Variants in DOCK10 observed in about 807,000 individuals in gnomAD.
The protein encoded by DOCK10 is dedicator of cytokinesis protein 10.
A neutral mutation model predicts 280.1 loss-of-function variants in DOCK10; 145 were observed. The ratio of observed to expected loss-of-function variants is 0.52; its 90% CI spans 0.45 to 0.59. DOCK10 has a LOEUF of 0.59. Among genes scored for constraint, DOCK10 ranks in the 20% least tolerant of loss-of-function variants. DOCK10 has a pLI of 0.00. For missense variants in DOCK10, 2,368 were observed against 2,651.7 expected (o/e 0.89, Z 2.35); for synonymous variants, 915 against 942.2 (o/e 0.97, Z 0.53).
intron 25 of DOCK10, among the ~76,000 whole-genome samples, chr2:224,835,751 G>A (rs2125426407): frequency 6.6e-6 from 1 of 152,290 alleles, no homozygotes; most frequent in Admixed American, 6.5e-5. Flanking sequence ...AATGCGAGTT[G>A]ATTACATTTA....
At chr2:225,000,820 A>T (rs567001666) in intron 1 of DOCK10, among the ~76,000 whole-genome samples, 44 of 152,330 alleles carry the variant, frequency 2.9e-4, no homozygotes, top group African/African-American at 1.1e-3. Flanking sequence ...TACTAAAAAT[A>T]CAAAAATTAG....
At chr2:224,836,486 T>C (rs1695601137) in intron 25 of DOCK10, among the ~76,000 whole-genome samples, 1 of 152,174 alleles carries the variant, frequency 6.6e-6, no homozygotes, top group Admixed American at 6.5e-5. Flanking sequence ...TTCTGGCAGA[T>C]AGAAAACATA....
At position 224,844,854 on chromosome 2, in the gene DOCK10, T is replaced by C; in HGVS notation, c.2482-15A>G. On this transcript the variant is annotated splice_polypyrimidine_tract_variant and intron_variant, in intron 21 of 55. Coordinates refer to ENST00000258390, the MANE Select transcript of DOCK10 (RefSeq NM_014689.3). ...CTCCCACCATGCTGCAAAATAAAGT[T>C]TGTTTACTGTCACTGGGACAATTCG... The C allele has an allele frequency of 2.5e-6, 4 of 1,568,668 alleles. No individual in the cohort carries two copies. Among genetic ancestry groups the C allele is most frequent in the Non-Finnish European group, 2.6e-6 (3 of 1,144,222 alleles).
chr2:224,986,911 C>T (rs1003058473), intron 1 of DOCK10, among the ~76,000 whole-genome samples: 3 of 152,158 alleles, frequency 2.0e-5, no homozygotes, highest in East Asian at 1.9e-4. Flanking sequence ...ATCACCTCCT[C>T]GGAGAAAGGC....
At chr2:224,888,653 ATG>A (rs1272562085) in intron 4 of DOCK10, among the ~76,000 whole-genome samples, 6 of 151,892 alleles carry the variant, frequency 4.0e-5, no homozygotes, top group East Asian at 3.9e-4. Flanking sequence ...ATGTGAATAT[ATG>A]TGTGTGCATG....
At chr2:224,835,396 A>C (rs1695528112) in intron 25 of DOCK10, among the ~76,000 whole-genome samples, 1 of 152,228 alleles carries the variant, frequency 6.6e-6, no homozygotes, top group Non-Finnish European at 1.5e-5. Flanking sequence ...GCATTTAATT[A>C]GACTGGCTTT....
At position 224,820,633 on chromosome 2, in the gene DOCK10, C is replaced by A. The variant is rs564512230; in HGVS notation, c.3184-1104G>T. 6.1e-4 allele frequency among the ~76,000 whole-genome samples: 93 copies of A among 152,350 alleles called. 1 individual carries two copies. Among genetic ancestry groups the A allele is most frequent in the African/African-American group, 2.2e-3 (91 of 41,580 alleles). The stretch of plus-strand genomic sequence containing the variant: ...TCAATTTTACTCACAGACAGGACTA[C>A]ACATAAAATCTTGCTATGGAGAGTG... On this transcript the variant is annotated intron_variant, in intron 28 of 55. Coordinates refer to ENST00000258390, the MANE Select transcript of DOCK10 (RefSeq NM_014689.3).
chr2:224,886,547 A>G lies in DOCK10; in HGVS notation c.417-16T>C. 1 of 1,587,680 alleles carries G rather than the reference A, an allele frequency of 6.3e-7. No homozygotes were observed. Among genetic ancestry groups the G allele is most frequent in the Non-Finnish European group, 8.5e-7 (1 of 1,172,290 alleles). ...GTATTCTGCTCTGATATTAAAAAAA[A>G]AAAAAGATTCTGATTTGTCATTGGA... On this transcript the variant is annotated splice_polypyrimidine_tract_variant and intron_variant, in intron 4 of 55. Coordinates refer to ENST00000258390, the MANE Select transcript of DOCK10 (RefSeq NM_014689.3).
At chr2:224,946,708 G>A in intron 1 of DOCK10, 1 of 511,086 alleles carries the variant, frequency 2.0e-6, no homozygotes, top group Non-Finnish European at 3.3e-6. Context: ...AGAATATTTA[G>A]GACCCAAATG....
At chr2:225,039,367 T>C (rs1252295602) in intron 1 of DOCK10, among the ~76,000 whole-genome samples, 1 of 152,122 alleles carries the variant, frequency 6.6e-6, no homozygotes, top group African/African-American at 2.4e-5. Flanking sequence ...TTCGAATGAG[T>C]TGTCTTTCAT....
At chr2:224,916,472 C>T (rs1191751224) in intron 3 of DOCK10, among the ~76,000 whole-genome samples, 3 of 143,778 alleles carry the variant, frequency 2.1e-5, no homozygotes, top group East Asian at 4.2e-4. Context: ...ACCTGGGAGG[C>T]GGAGGCTGCT....
chr2:224,853,753 C>T (rs1574941203), intron 16 of DOCK10, among the ~76,000 whole-genome samples: 2 of 152,202 alleles, frequency 1.3e-5, no homozygotes, highest in Admixed American at 6.5e-5. Context: ...TGTCACCAAA[C>T]AGTTTGAAGC....
Position 224,876,208 on chromosome 2 carries a change from C to T in DOCK10, c.761G>A (p.Arg254Lys). The change falls in exon 8 of 56, where the codon AGA becomes AAA. Residue 254 changes from arginine (R) to lysine (K), a missense_variant. Arg to Lys is a conservative substitution (Grantham distance 26). Transcript: ENST00000258390. ...CATTTTCAATTCAAAGGCATATTTT[C>T]TTAGTCTGTTATTCTGTGGTATAAA... The part of the protein sequence containing the change: ...CTGVVQNNRL[R>K]KYAFELKMND... 6.2e-7 allele frequency: 1 copy of T among 1,609,656 alleles called. No individual in the cohort carries two copies. The highest frequency in any genetic ancestry group is 1.7e-5 in the Admixed American group (1 of 59,314).
chr2:224,958,463 A>G (rs1704182487), intron 1 of DOCK10, among the ~76,000 whole-genome samples: 2 of 152,222 alleles, frequency 1.3e-5, no homozygotes, highest in South Asian at 4.1e-4. Context: ...TAGGTTAAAC[A>G]GCCTCTCTTC....
chr2:224,888,308 T>C (rs1449716361), intron 4 of DOCK10, among the ~76,000 whole-genome samples: 1 of 151,870 alleles, frequency 6.6e-6, no homozygotes, highest in African/African-American at 2.4e-5. Context: ...CGTTTCCATA[T>C]ATGTGTGTGC....
At chr2:224,984,245 G>C (rs181824503) in intron 1 of DOCK10, among the ~76,000 whole-genome samples, 80 of 152,354 alleles carry the variant, frequency 5.3e-4, no homozygotes, top group Non-Finnish European at 3.1e-4. Context: ...TTAGAAACTG[G>C]AGAGAGAAGA....
chr2:224,816,051 C>CT lies in DOCK10; in HGVS notation c.3364+565dup, dbSNP rs533033470. ...TCTACCTCAAAAACAAAACAACCCC[C>CT]TCCCCCGCAAGAAAAAAACTGTACC... On this transcript the variant is annotated intron_variant, in intron 30 of 55. Transcript: ENST00000258390. 1.7e-4 allele frequency among the ~76,000 whole-genome samples: 26 copies of CT among 151,788 alleles called. No individual in the cohort carries two copies. In the South Asian group the frequency reaches 5.4e-3, roughly 32 times the overall value.
At chr2:224,819,636 G>A in intron 28 of DOCK10, 107 bp from the exon 29 acceptor site, 1 of 686,912 alleles carries the variant, frequency 1.5e-6, no homozygotes, top group Non-Finnish European at 2.3e-6. Flanking sequence ...TAAACTAAAT[G>A]TGTTGTATAA....
Position 224,844,661 on chromosome 2 carries a change from T to G in DOCK10, c.2568+92A>C, listed in dbSNP as rs879107408. ...AAACACCTGCCTTTCTGACACTTCA[T>G]GAAATGATTAGTCTCATCCTGTAAA... On this transcript the variant is annotated intron_variant, in intron 22 of 55. Transcript: ENST00000258390. The G allele has an allele frequency of 2.6e-4, 216 of 844,442 alleles. 3 individuals carry two copies. The South Asian group carries it at 2.9e-3, about 11-fold the overall frequency. The allele number at this position is 844,442 out of a possible 1,614,324, so 52.3% of individuals were successfully genotyped here.
Sources: gnomAD v4.1 joint callset for allele counts (sites outside exome capture counted in the v4.1 genomes callset) on GRCh38, gnomAD v4.1.1 for gene constraint, MANE v1.5 for transcripts, NCBI Gene and HGNC (gene_info 2026-07-23, HGNC 2026-07-21) for gene names.